Variants in IL1RAPL1 observed in about 807,000 individuals in gnomAD.
The protein encoded by IL1RAPL1 is interleukin 1 receptor accessory protein like 1.
In IL1RAPL1, 3 loss-of-function variants were observed where a neutral mutation model predicts 48.4. The observed-to-expected ratio is 0.06, with a 90% CI of 0.03 to 0.16. The LOEUF (loss-of-function observed/expected upper bound fraction) is 0.16. Among genes scored for constraint, IL1RAPL1 ranks in the 10% least tolerant of loss-of-function variants. IL1RAPL1 has a pLI of 1.00. For synonymous variants in IL1RAPL1, 185 were observed against 187.7 expected, an observed-to-expected ratio of 0.99 and a Z score of 0.12; for missense variants, 349 against 530.6, an observed-to-expected ratio of 0.66 and a Z score of 3.36.
At chrX:29,319,152 A>ATCTATCTATCTGTCTG (rs368138032) in intron 3 of IL1RAPL1, among the ~76,000 whole-genome samples, 6 of 74,101 alleles carry the variant, frequency 8.1e-5, no homozygotes, top group African/African-American at 3.0e-4. Flanking sequence ...ATATCTGTCT[A>ATCTATCTATCTGTCTG]TCTGTCTGTC....
chrX:29,802,815 G>A lies in IL1RAPL1; in HGVS notation c.779-114649G>A, dbSNP rs773735687. Among the ~76,000 whole-genome samples, 105 of 51,765 alleles carry A rather than the reference G, an allele frequency of 2.0e-3. 2 individuals carry two copies. The highest frequency in any genetic ancestry group is 9.0e-3 in the African/African-American group (96 of 10,670). The allele number at this position is 51,765 out of a possible 115,157, so 45.0% of individuals were successfully genotyped here. A position where few individuals can be genotyped will look rare whatever the true frequency, so the allele number is the denominator to read the frequency against. On this transcript the variant is annotated intron_variant, in intron 6 of 10. Transcript: ENST00000378993. ...TGTATATATATATATATATATGTGT[G>A]TATATATATGTATACATATATGTAT...
At chrX:29,528,288 A>G (rs1160342899) in intron 5 of IL1RAPL1, among the ~76,000 whole-genome samples, 1 of 112,665 alleles carries the variant, frequency 8.9e-6, no homozygotes, top group Non-Finnish European at 1.9e-5. Context: ...GATAAACTAT[A>G]GTACATATAC....
intron 5 of IL1RAPL1, among the ~76,000 whole-genome samples, chrX:29,641,853 C>T (rs1925179788): frequency 8.9e-6 from 1 of 112,205 alleles, no homozygotes; most frequent in Admixed American, 9.4e-5. Context: ...AATCCAGGGT[C>T]TCATGGAGCT....
At position 29,129,039 on chromosome X, in the gene IL1RAPL1, C is replaced by CTTT. The variant is rs62772160; in HGVS notation, c.83-153880_83-153878dup. 7.9e-4 allele frequency among the ~76,000 whole-genome samples: 49 copies of CTTT among 62,342 alleles called. 1 individual carries two copies. The highest frequency in any genetic ancestry group is 2.2e-3 in the African/African-American group (35 of 15,615). 54.1% of individuals were successfully genotyped at this position (62,342 alleles called of 115,157 possible). A position where few individuals can be genotyped will look rare whatever the true frequency, so the allele number is the denominator to read the frequency against. On this transcript the variant is annotated intron_variant, in intron 2 of 10. Transcript: ENST00000378993. ...ACGTAGTTTTAATTTTACCTAGAAT[C>CTTT]TTTTTTTTTTTTTTTTTTTTTGAGA... is the stretch of plus-strand genomic sequence containing the variant.
chrX:28,785,862 A>C (rs1359187402), intron 1 of IL1RAPL1, among the ~76,000 whole-genome samples: 1 of 112,315 alleles, frequency 8.9e-6, no homozygotes. Context: ...TCCCCACTAC[A>C]TCATAGCAAA....
chrX:28,728,734 C>T (rs751954157), intron 1 of IL1RAPL1, among the ~76,000 whole-genome samples: 4 of 111,232 alleles, frequency 3.6e-5, no homozygotes, highest in Admixed American at 9.6e-5. Context: ...TGGGAACTTC[C>T]GGCATTGCAA....
intron 2 of IL1RAPL1, among the ~76,000 whole-genome samples, chrX:29,008,366 G>GA (rs1203608478): frequency 3.7e-5 from 4 of 109,113 alleles, no homozygotes; most frequent in Non-Finnish European, 7.6e-5. Flanking sequence ...AGTAGAGATG[G>GA]AGTTTCACCG....
At chrX:29,471,222 A>AC (rs1934917340) in intron 5 of IL1RAPL1, among the ~76,000 whole-genome samples, 1 of 111,305 alleles carries the variant, frequency 9.0e-6, no homozygotes. Flanking sequence ...AGGAGGGAAA[A>AC]GAAAGGGAGA....
At chrX:28,862,791 T>G (rs1355256173) in intron 2 of IL1RAPL1, among the ~76,000 whole-genome samples, 2 of 112,544 alleles carry the variant, frequency 1.8e-5, no homozygotes, top group East Asian at 5.5e-4. Flanking sequence ...ATATTTAATA[T>G]TTAGAAACAA....
chrX:29,202,953 C>T (rs999860021), intron 2 of IL1RAPL1, among the ~76,000 whole-genome samples: 3 of 111,030 alleles, frequency 2.7e-5, no homozygotes, highest in African/African-American at 9.9e-5. Flanking sequence ...ATCAAACCCC[C>T]ATGACATGCA....
chrX:28,648,073 AGC>A (rs1934636167), intron 1 of IL1RAPL1, among the ~76,000 whole-genome samples: 1 of 111,535 alleles, frequency 9.0e-6, no homozygotes, highest in African/African-American at 3.3e-5. Context: ...TCCACATTCC[AGC>A]CACACTAGCC....
rs1177862820 is a variant in IL1RAPL1, at chrX:29,263,591, G to A, written c.83-19347G>A. ...CAGAACTGAAATAAAATAATCCCTA[G>A]TCCAATCATAGGCTTACGTTACTAG... On this transcript the variant is annotated intron_variant, in intron 2 of 10. Transcript: ENST00000378993. Among the ~76,000 whole-genome samples, 4 of 111,775 alleles carry A rather than the reference G, an allele frequency of 3.6e-5. No homozygotes were observed. In the Admixed American group the frequency reaches 3.8e-4, roughly 11 times the overall value.
intron 5 of IL1RAPL1, among the ~76,000 whole-genome samples, chrX:29,416,042 A>G (rs73464420): frequency 0.011 from 1,205 of 111,837 alleles, 20 homozygotes; most frequent in African/African-American, 0.037. Flanking sequence ...TAAGAAAAAA[A>G]ATAAAACCAC....
At chrX:29,174,289 A>C (rs1022506203) in intron 2 of IL1RAPL1, among the ~76,000 whole-genome samples, 2 of 112,148 alleles carry the variant, frequency 1.8e-5, no homozygotes, top group Admixed American at 1.9e-4. Flanking sequence ...AAGTAGGAAG[A>C]TGAATGTGCA....
At chrX:28,748,554 A>G (rs968682863) in intron 1 of IL1RAPL1, among the ~76,000 whole-genome samples, 2 of 112,176 alleles carry the variant, frequency 1.8e-5, no homozygotes, top group African/African-American at 6.5e-5. Flanking sequence ...TAATATTAAT[A>G]TAAATATAAA....
At chrX:29,361,269 C>T (rs1185724083) in intron 3 of IL1RAPL1, among the ~76,000 whole-genome samples, 4 of 111,051 alleles carry the variant, frequency 3.6e-5, no homozygotes, top group East Asian at 5.6e-4. Flanking sequence ...CAATTGGAGA[C>T]GGGCACCAAA....
intron 6 of IL1RAPL1, among the ~76,000 whole-genome samples, chrX:29,889,185 A>G: frequency 8.9e-6 from 1 of 111,875 alleles, no homozygotes; most frequent in African/African-American, 3.2e-5. Flanking sequence ...GCTCCTTTAT[A>G]TTATTAAATT....
At chrX:29,841,533 A>C (rs192395664) in intron 6 of IL1RAPL1, among the ~76,000 whole-genome samples, 1 of 111,806 alleles carries the variant, frequency 8.9e-6, no homozygotes, top group East Asian at 2.8e-4. Context: ...CCTTGATGAC[A>C]GTTAAACTGA....
chrX:28,723,955 G>C (rs1935627767), intron 1 of IL1RAPL1, among the ~76,000 whole-genome samples: 1 of 111,980 alleles, frequency 8.9e-6, no homozygotes, highest in African/African-American at 3.3e-5. Context: ...TGTGGTCTGA[G>C]AGACAGTTTG....
Sources: gnomAD v4.1 joint callset for allele counts (sites outside exome capture counted in the v4.1 genomes callset) on GRCh38, gnomAD v4.1.1 for gene constraint, MANE v1.5 for transcripts, NCBI Gene and HGNC (gene_info 2026-07-23, HGNC 2026-07-21) for gene names.